The following SLC24A2 variants were observed in gnomAD, a reference collection of about 807,000 sequenced individuals.
SLC24A2 encodes the protein sodium/potassium/calcium exchanger 2.
Under a neutral mutation model 62.0 loss-of-function variants are expected in SLC24A2, and 36 were observed. The ratio of observed to expected loss-of-function variants is 0.58; its 90% CI spans 0.44 to 0.77. The LOEUF (loss-of-function observed/expected upper bound fraction) is 0.77. Ranked by LOEUF, SLC24A2 falls within the 30% of genes least tolerant of loss-of-function variation. SLC24A2 has a pLI of 0.00. For missense variants in SLC24A2, 846 were observed against 817.9 expected, an observed-to-expected ratio of 1.03 and a Z score of -0.42; for synonymous variants, 358 against 294.0, an observed-to-expected ratio of 1.22 and a Z score of -2.23.
intron 2 of SLC24A2, among the ~76,000 whole-genome samples, chr9:19,721,420 G>A (rs1821021683): frequency 6.6e-6 from 1 of 152,086 alleles, no homozygotes; most frequent in African/African-American, 2.4e-5. Context: ...TGGAGCCAGT[G>A]CTTTAATTTG....
chr9:19,895,506 T>G, the SLC24A2 span, among the ~76,000 whole-genome samples: 632 of 150,602 alleles, frequency 4.2e-3, 15 homozygotes, highest in East Asian at 0.053. Context: ...GAAAGTGATA[T>G]CTAACACATT....
chr9:19,830,786 C>T, the SLC24A2 span, among the ~76,000 whole-genome samples: 1 of 152,228 alleles, frequency 6.6e-6, no homozygotes, highest in African/African-American at 2.4e-5. Context: ...GCAGAGGACA[C>T]TGAATGAATG....
the SLC24A2 span, among the ~76,000 whole-genome samples, chr9:20,077,980 T>C: frequency 7.0e-6 from 1 of 143,174 alleles, no homozygotes; most frequent in African/African-American, 2.5e-5. Flanking sequence ...AAAGAGAATA[T>C]GTAGGGAATG....
the SLC24A2 span, among the ~76,000 whole-genome samples, chr9:20,168,771 G>A: frequency 1.3e-5 from 2 of 152,006 alleles, no homozygotes; most frequent in Non-Finnish European, 2.9e-5. Flanking sequence ...GTAAAATGAT[G>A]CAGCCACTGT....
the SLC24A2 span, among the ~76,000 whole-genome samples, chr9:20,038,371 C>T: frequency 6.6e-6 from 1 of 152,186 alleles, no homozygotes; most frequent in African/African-American, 2.4e-5. Flanking sequence ...TCTCAGGTGA[C>T]TGGGGTCTTT....
At chr9:19,912,196 C>A in the SLC24A2 span, among the ~76,000 whole-genome samples, 2 of 152,004 alleles carry the variant, frequency 1.3e-5, no homozygotes, top group South Asian at 2.1e-4. Context: ...TACACAAACA[C>A]AGATACAAAT....
At chr9:19,858,211 G>C in the SLC24A2 span, among the ~76,000 whole-genome samples, 1 of 152,008 alleles carries the variant, frequency 6.6e-6, no homozygotes, top group Admixed American at 6.6e-5. Context: ...CACACACACA[G>C]CCATCTAATC....
the SLC24A2 span, among the ~76,000 whole-genome samples, chr9:20,222,893 G>A: frequency 0.14 from 21,133 of 151,902 alleles, 1,740 homozygotes; most frequent in African/African-American, 0.22. Flanking sequence ...TGACAGCTTC[G>A]CTTTAATACG....
the SLC24A2 span, among the ~76,000 whole-genome samples, chr9:19,988,977 T>C: frequency 0.062 from 9,441 of 152,242 alleles, 553 homozygotes; most frequent in East Asian, 0.29. Context: ...TTCTTAAGTG[T>C]GTGAAGTGTC....
At chr9:19,571,321 T>C (rs988240946) in intron 7 of SLC24A2, among the ~76,000 whole-genome samples, 3 of 152,172 alleles carry the variant, frequency 2.0e-5, no homozygotes, top group Non-Finnish European at 4.4e-5. Context: ...CCTTATTCTT[T>C]CTGTTAAATG....
chr9:20,149,221 G>A, the SLC24A2 span, among the ~76,000 whole-genome samples: 1 of 151,966 alleles, frequency 6.6e-6, no homozygotes, highest in African/African-American at 2.4e-5. Context: ...TAACTCTAAT[G>A]ACTTTCCTCT....
At chr9:19,692,966 A>G (rs1820085214) in intron 2 of SLC24A2, among the ~76,000 whole-genome samples, 1 of 152,172 alleles carries the variant, frequency 6.6e-6, no homozygotes. Context: ...TCACTTAACC[A>G]CATAACTTCT....
At position 19,511,874 on chromosome 9, in the gene SLC24A2, T is replaced by G. The variant is rs1056127912; in HGVS notation, c.*4279A>C. On this transcript the variant is annotated 3_prime_UTR_variant, in exon 11 of 11. Coordinates refer to ENST00000341998, the MANE Select transcript of SLC24A2 (RefSeq NM_020344.4). ...GCATCCACATAATCTCGCGTGTGTG[T>G]GGGGGTGTGGGTGTGTGTTTGGTAG... The G allele has an allele frequency of 5.3e-5, 8 of 152,328 alleles. No individual in the cohort carries two copies. The highest frequency in any genetic ancestry group is 1.2e-4 in the African/African-American group (5 of 41,542). The allele number at this position is 152,328 out of a possible 1,614,324, so 9.4% of individuals were successfully genotyped here. A position where few individuals can be genotyped will look rare whatever the true frequency, so the allele number is the denominator to read the frequency against.
the SLC24A2 span, among the ~76,000 whole-genome samples, chr9:20,025,529 A>G: frequency 6.6e-6 from 1 of 152,186 alleles, no homozygotes. Context: ...TGGTAGTAAT[A>G]ATAATAATAG....
the SLC24A2 span, among the ~76,000 whole-genome samples, chr9:20,279,020 GAGA>G: frequency 1.3e-5 from 2 of 152,156 alleles, no homozygotes; most frequent in African/African-American, 2.4e-5. Flanking sequence ...CAGCAGGAAG[GAGA>G]AGAATGAGAG....
chr9:20,241,411 T>C, the SLC24A2 span, among the ~76,000 whole-genome samples: 34 of 152,318 alleles, frequency 2.2e-4, no homozygotes, highest in African/African-American at 7.9e-4. Flanking sequence ...ATCGCTTATG[T>C]CTCCATCTGT....
At chr9:20,093,164 C>A in the SLC24A2 span, among the ~76,000 whole-genome samples, 1 of 151,886 alleles carries the variant, frequency 6.6e-6, no homozygotes, top group Non-Finnish European at 1.5e-5. Context: ...CTCCACCTCC[C>A]AGGTTCAAAA....
the SLC24A2 span, among the ~76,000 whole-genome samples, chr9:19,834,597 G>T: frequency 9.9e-5 from 15 of 151,740 alleles, no homozygotes; most frequent in African/African-American, 2.9e-4. Context: ...ATCTATGTCT[G>T]ATTGGTGTAC....
At chr9:19,992,346 G>A in the SLC24A2 span, among the ~76,000 whole-genome samples, 1 of 152,098 alleles carries the variant, frequency 6.6e-6, no homozygotes. Flanking sequence ...CACCATGTCT[G>A]TTTGCTTGCT....
Sources: allele counts gnomAD v4.1 joint callset (sites outside exome capture counted in the v4.1 genomes callset), GRCh38; gene constraint gnomAD v4.1.1; transcripts MANE v1.5; gene names NCBI Gene and HGNC (gene_info 2026-07-23, HGNC 2026-07-21).